Variants in KDM6B observed in about 807,000 individuals in gnomAD.
KDM6B encodes the protein lysine demethylase 6B.
In KDM6B, 22 loss-of-function variants were observed where a neutral mutation model predicts 150.4. That is an observed-to-expected ratio of 0.15 (90% CI 0.10 to 0.21). The LOEUF is 0.21. Ranked by LOEUF, KDM6B falls within the 10% of genes least tolerant of loss-of-function variation. The probability of loss-of-function intolerance (pLI) is 1.00; values close to 1 mark genes in which losing one functional copy is unlikely to be tolerated. For synonymous variants in KDM6B, 1,148 were observed against 921.1 expected (o/e 1.25, Z -4.46); for missense variants, 1,984 against 2,234.3 (o/e 0.89, Z 2.26).
chr17:7,846,371 G>GGGGCGGGCCCGGGGCCCCCCC, intron 7 of KDM6B, 29 bp from the exon 8 acceptor site: 2 of 1,488,916 alleles, frequency 1.3e-6, no homozygotes, highest in Non-Finnish European at 1.8e-6. Flanking sequence ...CCTGACATCT[G>GGGGCGGGCCCGGGGCCCCCCC]CCCCTGCCCC....
chr17:7,849,576 TGAG>T lies in KDM6B; in HGVS notation c.3290_3292del (p.Glu1097del). On this transcript the variant is annotated inframe_deletion, in exon 12 of 24. Transcript: ENST00000448097. Reference sequence around the variant, plus strand: ...ACATGCTGAAGCTGCGCTCACTTAGTGAGGGGCCCCCCAAGGAGCTGAAGATCC... The same window carrying T: ...ACATGCTGAAGCTGCGCTCACTTAGTGGGCCCCCCAAGGAGCTGAAGATCC... 1 of 1,612,694 alleles carries T rather than the reference TGAG, an allele frequency of 6.2e-7. No individual in the cohort carries two copies. Among genetic ancestry groups the T allele is most frequent in the Non-Finnish European group, 8.5e-7 (1 of 1,179,972 alleles).
At position 7,848,975 on chromosome 17, in the gene KDM6B, C is replaced by A; in HGVS notation, c.2687C>A (p.Thr896Asn). The A allele has an allele frequency of 6.5e-7, 1 of 1,538,240 alleles. No individual in the cohort carries two copies. The highest frequency in any genetic ancestry group is 8.8e-7 in the Non-Finnish European group (1 of 1,130,600). ...CCAGTCCCGGGCCCCATGACCCCCA[C>A]CCAACCGCCCCCACCCCTATCTCTG... ...EEPVPGPMTP[T>N]QPPPPLSLPP... is the part of the protein sequence containing the mutation. Residue 896 changes from threonine to asparagine, a missense_variant, in exon 12 of 24, where the codon ACC (threonine) becomes AAC (asparagine). Transcript: ENST00000448097.
chr17:7,852,597 C>T lies in KDM6B; in HGVS notation c.4571C>T (p.Thr1524Met), dbSNP rs1478111952. Residue 1524 changes from threonine to methionine, a missense_variant, in exon 21 of 24, where the codon ACG (threonine) becomes ATG (methionine). Around this residue, in one of 13 missense-constraint regions of KDM6B, gnomAD observed 41 missense variants for 158.8 expected, o/e 0.26. Transcript: ENST00000448097. ...MIHVSWNVAR[T>M]VKISDPDLFK... ...CACGTGTCATGGAACGTGGCTCGCA[C>T]GGTCAAAATCAGCGACCCCGACTTG... The T allele has an allele frequency of 5.6e-6, 9 of 1,613,956 alleles. No individual in the cohort carries two copies. The Admixed American group carries it at 6.7e-5, about 12-fold the overall frequency.
chr17:7,842,026 C>T (rs1216451672), intron 2 of KDM6B, among the ~76,000 whole-genome samples: 1 of 152,228 alleles, frequency 6.6e-6, no homozygotes, highest in East Asian at 1.9e-4. Context: ...AGCATGCCCG[C>T]TGATTGCCGG....
intron 12 of KDM6B, 38 bp downstream of exon 12, chr17:7,849,766 C>T: frequency 2.5e-6 from 4 of 1,612,794 alleles, no homozygotes; most frequent in Non-Finnish European, 3.4e-6. Flanking sequence ...CGGAGACAGG[C>T]TCCCTTCCCC....
chr17:7,846,751 A>AGG lies in KDM6B; in HGVS notation c.711+16_711+17dup. ...TGCAACTCTGAACAGGTGTGGGTAT[A>AGG]GGGGGGCCAGCAGGCAGTAAGTAGG... is the stretch of plus-strand genomic sequence containing the variant. On this transcript the variant is annotated intron_variant, in intron 9 of 23. Transcript: ENST00000448097. 6.2e-7 allele frequency: 1 copy of AGG among 1,613,952 alleles called. No individual in the cohort carries two copies. The highest frequency in any genetic ancestry group is 8.5e-7 in the Non-Finnish European group (1 of 1,179,930).
chr17:7,842,053 C>T (rs1021100718), intron 2 of KDM6B, among the ~76,000 whole-genome samples: 1 of 152,256 alleles, frequency 6.6e-6, no homozygotes, highest in South Asian at 2.1e-4. Context: ...AAAACCCTAT[C>T]TGCGGGCTCT....
At chr17:7,834,834 G>A (rs1200213715) in intron 1 of KDM6B, among the ~76,000 whole-genome samples, 1 of 152,060 alleles carries the variant, frequency 6.6e-6, no homozygotes, top group Non-Finnish European at 1.5e-5. Flanking sequence ...CCCACCAGCG[G>A]CCCCGAGAGC....
In KDM6B at chr17:7,845,862, C is replaced by T. The variant is rs972515110; in HGVS notation, c.138-10C>T. On this transcript the variant is annotated splice_polypyrimidine_tract_variant and intron_variant, in intron 5 of 23. Transcript: ENST00000448097. ...TTTTGCCGTATATAACAGACTCCTTCTCTCTCCAGATGCTCAGCCAGCATT... is the reference window on the plus strand; with the variant it reads ...TTTTGCCGTATATAACAGACTCCTTTTCTCTCCAGATGCTCAGCCAGCATT... The T allele has an allele frequency of 5.6e-6, 9 of 1,611,722 alleles. No individual in the cohort carries two copies. The highest frequency in any genetic ancestry group is 1.7e-5 in the Admixed American group (1 of 60,006).
In KDM6B at chr17:7,853,144, G is replaced by C. The variant is rs1277550089; in HGVS notation, c.4737+18G>C. The stretch of plus-strand genomic sequence containing the variant: ...AGTGCGATGTGAGTGGGCCGGCTCT[G>C]CTGCTCTCCCTGAGTGTCCACAGTG... On this transcript the variant is annotated intron_variant, in intron 22 of 23. Coordinates refer to ENST00000448097, the MANE Select transcript of KDM6B (RefSeq NM_001348716.2). 6.2e-7 allele frequency: 1 copy of C among 1,614,090 alleles called. No individual in the cohort carries two copies. The highest frequency in any genetic ancestry group is 1.7e-5 in the Admixed American group (1 of 60,024).
intron 11 of KDM6B, 34 bp from the exon 12 acceptor site, chr17:7,847,512 G>GC: frequency 6.2e-7 from 1 of 1,612,956 alleles, no homozygotes; most frequent in Admixed American, 1.7e-5. Flanking sequence ...GGCAGCCCGA[G>GC]CAATGCTCCT....
rs1282890521 is a variant in KDM6B at position 7,848,301 on chromosome 17, T to A, written c.2013T>A (p.Phe671Leu). 1 of 1,612,400 alleles carries A rather than the reference T, an allele frequency of 6.2e-7. No individual in the cohort carries two copies. The stretch of plus-strand genomic sequence containing the variant: ...TGCCTGCCCGAGGCCCTCGACTCTT[T>A]GATTTTCCCCCCACTCCGCTGGAGG... ...GELPARGPRL[F>L]DFPPTPLEDQ... Residue 671 changes from phenylalanine (F) to leucine (L), a missense_variant, in exon 12 of 24, where the codon TTT becomes TTA. This residue lies in a region of KDM6B where 1,379 missense variants were observed against 1,275.6 expected (regional missense o/e 1.08). Coordinates refer to ENST00000448097, the MANE Select transcript of KDM6B (RefSeq NM_001348716.2).
rs558137961 is a variant in KDM6B at position 7,837,043 on chromosome 17, G to A, written c.-388+2693G>A. Among the ~76,000 whole-genome samples the A allele has an allele frequency of 9.6e-4, 146 of 152,280 alleles. 1 individual carries two copies. The highest frequency in any genetic ancestry group is 2.0e-3 in the Admixed American group (31 of 15,296). ...ACCCCGGCCTGGAGTTTTGTGAGGG[G>A]GAGGGGCACGGGTGTGGTGTGGCTG... On this transcript the variant is annotated intron_variant, in intron 1 of 23. Coordinates refer to ENST00000448097, the MANE Select transcript of KDM6B (RefSeq NM_001348716.2).
chr17:7,850,758 C>T (rs901097526), intron 14 of KDM6B, among the ~76,000 whole-genome samples: 4 of 152,198 alleles, frequency 2.6e-5, no homozygotes, highest in Non-Finnish European at 5.9e-5. Context: ...CACATGGCCA[C>T]GCACACATCT....
In KDM6B at chr17:7,853,374, C is replaced by T. The variant is rs1011145498; in HGVS notation, c.4902C>T (p.Phe1634=). 3 of 1,550,116 alleles carry T rather than the reference C, an allele frequency of 1.9e-6. No individual in the cohort carries two copies. The highest frequency in any genetic ancestry group is 1.9e-5 in the Admixed American group (1 of 51,604). The change falls in exon 23 of 24, where the codon TTC becomes TTT. Residue 1634 remains phenylalanine, a synonymous_variant. Coordinates refer to ENST00000448097, the MANE Select transcript of KDM6B (RefSeq NM_001348716.2). ...AGCTGGCTCAGGCCTACGACGCCTT[C>T]ACGCTGGTGAGGGCCCGGCGGGCGC... ...TEELAQAYDA[F]TLAPASTSR is the part of the protein sequence containing the mutation.
chr17:7,839,192 A>G (rs912347757), intron 1 of KDM6B, among the ~76,000 whole-genome samples: 5 of 152,058 alleles, frequency 3.3e-5, no homozygotes, highest in African/African-American at 7.3e-5. Context: ...ATGCTAAAAG[A>G]CCTAGCTTCT....
rs185808098 is a variant in KDM6B, at chr17:7,844,265, T to C, written c.-268-636T>C. 2.4e-3 allele frequency: 360 copies of C among 151,478 alleles called. 2 individuals are homozygous for C. The highest frequency in any genetic ancestry group is 0.01 in the Middle Eastern group (3 of 294). The allele number at this position is 151,478 out of a possible 1,614,324, so 9.4% of individuals were successfully genotyped here. A position where few individuals can be genotyped will look rare whatever the true frequency, so the allele number is the denominator to read the frequency against. ...ACCGCGGTGCGCGACTTCTCGGAAG[T>C]TGGGGGACTAAAAGGGGTCTGATTT... On this transcript the variant is annotated intron_variant, in intron 2 of 23. Transcript: ENST00000448097. This position sits in a 1 kb window ranked among gnomAD's most constrained non-coding sequence, Gnocchi z 5.9.
chr17:7,846,371 G>GGGCCGGGCCCGGGGGCCCCCCCCCCC, intron 7 of KDM6B, 29 bp from the exon 8 acceptor site: 1 of 1,488,922 alleles, frequency 6.7e-7, no homozygotes, highest in Non-Finnish European at 9.2e-7. Flanking sequence ...CCTGACATCT[G>GGGCCGGGCCCGGGGGCCCCCCCCCCC]CCCCTGCCCC....
Position 7,849,523 on chromosome 17 carries a change from C to T in KDM6B, c.3235C>T (p.Pro1079Ser), listed in dbSNP as rs770184583. Residue 1079 changes from proline to serine, a missense_variant, in exon 12 of 24, where the codon CCA becomes TCA. Pro to Ser is a moderately conservative substitution (Grantham distance 74, BLOSUM62 -1). This residue lies in a region of KDM6B where 1,379 missense variants were observed against 1,275.6 expected (regional missense o/e 1.08). Coordinates refer to ENST00000448097, the MANE Select transcript of KDM6B (RefSeq NM_001348716.2). ...TGGAAAGAAGGCTCGGGAGGAAGCC[C>T]CAGGGCCACCGGGTGTCAGCCGGGC... is the stretch of plus-strand genomic sequence containing the variant. ...VPGKKAREEA[P>S]GPPGVSRADM... 1 of 1,612,868 alleles carries T rather than the reference C, an allele frequency of 6.2e-7. No individual in the cohort carries two copies. Among genetic ancestry groups the T allele is most frequent in the Non-Finnish European group, 8.5e-7 (1 of 1,179,944 alleles).
Sources: allele counts gnomAD v4.1 joint callset (sites outside exome capture counted in the v4.1 genomes callset), GRCh38; gene constraint gnomAD v4.1.1; regional missense constraint gnomAD v4.1.1; non-coding constraint Gnocchi (gnomAD v3.1); transcripts MANE v1.5; gene names NCBI Gene and HGNC (gene_info 2026-07-23, HGNC 2026-07-21).